The following LMOD1 variants were observed in gnomAD, a reference collection of about 807,000 sequenced individuals.
The protein encoded by LMOD1 is leiomodin-1.
Under a neutral mutation model 36.5 loss-of-function variants are expected in LMOD1, and 8 were observed. That is an observed-to-expected ratio of 0.22 (90% CI 0.13 to 0.40). LMOD1 has a LOEUF of 0.40. Ranked by LOEUF, LMOD1 falls within the 10% of genes least tolerant of loss-of-function variation. The pLI is 1.00. For synonymous variants in LMOD1, 284 were observed against 288.7 expected (o/e 0.98, Z 0.17); for missense variants, 630 against 751.1 (o/e 0.84, Z 1.88).
intron 1 of LMOD1, among the ~76,000 whole-genome samples, chr1:201,944,409 G>A (rs1445372006): frequency 3.9e-5 from 6 of 152,130 alleles, no homozygotes; most frequent in South Asian, 2.1e-4. Flanking sequence ...GGAAGCTACC[G>A]GACACAAGGC....
intron 1 of LMOD1, among the ~76,000 whole-genome samples, chr1:201,927,811 T>A (rs952489508): frequency 1.3e-5 from 2 of 152,180 alleles, no homozygotes; most frequent in Non-Finnish European, 2.9e-5. Flanking sequence ...GCATCCATTA[T>A]ATAGAGTTAA....
At chr1:201,901,330 C>T (rs1330697916) in intron 1 of LMOD1, among the ~76,000 whole-genome samples, 1 of 150,656 alleles carries the variant, frequency 6.6e-6, no homozygotes, top group African/African-American at 2.4e-5. Context: ...CATGGAGAAA[C>T]CTGTGTCTAC....
At position 201,898,343 on chromosome 1, in the gene LMOD1, A is replaced by G. The variant is rs763158794; in HGVS notation, c.*29T>C. On this transcript the variant is annotated 3_prime_UTR_variant, in exon 3 of 3. Transcript: ENST00000367288. Reference sequence around the variant, plus strand: ...GAGGTGAGGCCTGAGCAGTCATGGCATTGGCAGATGGTGCCTGGCAGCCTG... The same window carrying G: ...GAGGTGAGGCCTGAGCAGTCATGGCGTTGGCAGATGGTGCCTGGCAGCCTG... 33 of 1,610,430 alleles carry G rather than the reference A, an allele frequency of 2.0e-5. No individual in the cohort carries two copies. The highest frequency in any genetic ancestry group is 6.8e-6 in the Non-Finnish European group (8 of 1,178,478).
chr1:201,925,021 C>A (rs1218040046), intron 1 of LMOD1, among the ~76,000 whole-genome samples: 1 of 152,176 alleles, frequency 6.6e-6, no homozygotes, highest in Non-Finnish European at 1.5e-5. Flanking sequence ...TCAAGGCCAG[C>A]CATGGCCGAC....
Position 201,899,365 on chromosome 1 carries a change from G to A in LMOD1, c.1648C>T (p.Leu550=), listed in dbSNP as rs761819926. The change falls in exon 2 of 3, where the codon CTG becomes TTG. Residue 550 remains leucine, a synonymous_variant. Transcript: ENST00000367288. The surrounding 1 kb of genome is among the most constrained non-coding windows in gnomAD (Gnocchi z 6.3). ...PLAPPLIMEN[L]KNSLSPATQR... ...GTAGCTGGTGAGAGTGAATTCTTCA[G>A]GTTCTCCATGATAAGGGGTGGAGCC... 4 of 1,612,504 alleles carry A rather than the reference G, an allele frequency of 2.5e-6. No individual in the cohort carries two copies. In the African/African-American group the frequency reaches 5.3e-5, roughly 22 times the overall value.
chr1:201,943,766 A>G (rs1029201404), intron 1 of LMOD1, among the ~76,000 whole-genome samples: 2 of 152,158 alleles, frequency 1.3e-5, no homozygotes, highest in African/African-American at 4.8e-5. Context: ...TAAGTGCTCT[A>G]CCGCAGCACC....
At chr1:201,929,143 C>T (rs1681878041) in intron 1 of LMOD1, among the ~76,000 whole-genome samples, 1 of 151,768 alleles carries the variant, frequency 6.6e-6, no homozygotes, top group African/African-American at 2.4e-5. Context: ...GGCTCTGTTG[C>T]CCATGCTGGA....
intron 1 of LMOD1, among the ~76,000 whole-genome samples, chr1:201,906,686 C>T (rs565997701): frequency 6.6e-6 from 1 of 152,240 alleles, no homozygotes; most frequent in East Asian, 1.9e-4. Flanking sequence ...AGTGCCAAAT[C>T]TTTTATTGTT....
chr1:201,901,797 C>T (rs1681331242), intron 1 of LMOD1, among the ~76,000 whole-genome samples: 1 of 147,002 alleles, frequency 6.8e-6, no homozygotes, highest in South Asian at 2.1e-4. Context: ...TCACCTTAGT[C>T]CTGGCCCCTG....
chr1:201,901,231 G>A (rs1052133747), intron 1 of LMOD1, among the ~76,000 whole-genome samples: 27 of 151,884 alleles, frequency 1.8e-4, no homozygotes, highest in Non-Finnish European at 2.5e-4. Flanking sequence ...AAGTCCGGGC[G>A]CGGTGGCTCA....
chr1:201,907,804 C>T (rs951641544), intron 1 of LMOD1, among the ~76,000 whole-genome samples: 8 of 152,172 alleles, frequency 5.3e-5, no homozygotes, highest in African/African-American at 1.4e-4. Context: ...AATCCTGCTG[C>T]GGGCCTTGCT....
Position 201,900,892 on chromosome 1 carries a change from G to T in LMOD1, c.262-141C>A, listed in dbSNP as rs918730936. On this transcript the variant is annotated intron_variant, in intron 1 of 2. Transcript: ENST00000367288. ...GTTGTGCTGTTTGGGAGAGTGGGGT[G>T]GATGTCTCCATTGAGGGCAGCAAAA... The T allele has an allele frequency of 6.0e-5, 43 of 716,868 alleles. No individual in the cohort carries two copies. In the East Asian group the frequency reaches 1.1e-3, roughly 19 times the overall value. The allele number at this position is 716,868 out of a possible 1,614,324, so 44.4% of individuals were successfully genotyped here.
Position 201,900,502 on chromosome 1 carries a change from C to A in LMOD1, c.511G>T (p.Glu171Ter). The A allele has an allele frequency of 6.2e-7, 1 of 1,613,882 alleles. No individual in the cohort carries two copies. ...TCTCCTCTCCCATCCTTCCCTGCCT[C>A]CTTCTTATCCACTGCAGCCCTGACC... ...GRVRAAVDKK[E>*]AGKDGRGEER... Residue 171 changes from glutamate to a stop codon, truncating the protein, a stop_gained, in exon 2 of 3, where the codon GAG becomes TAG. Transcript: ENST00000367288. LOFTEE classifies it high-confidence loss of function.
intron 1 of LMOD1, among the ~76,000 whole-genome samples, chr1:201,910,744 C>CCTTTTT: frequency 2.0e-5 from 1 of 49,068 alleles, no homozygotes; most frequent in Admixed American, 3.5e-4. Context: ...TGGTGTCATT[C>CCTTTTT]TTTTTTTTTT....
rs1681632818 is a variant in LMOD1, at chr1:201,917,613, G to A, written c.262-16862C>T. The stretch of plus-strand genomic sequence containing the variant: ...AAGCTTGTAGCAAACCCCATTTTTG[G>A]AGAAACCGGGAAATCTCTTTGGGGA... On this transcript the variant is annotated intron_variant, in intron 1 of 2. Coordinates refer to ENST00000367288, the MANE Select transcript of LMOD1 (RefSeq NM_012134.3). Among the ~76,000 whole-genome samples the A allele has an allele frequency of 2.0e-5, 3 of 149,062 alleles. No individual in the cohort carries two copies. The South Asian group carries it at 6.4e-4, about 32-fold the overall frequency.
At chr1:201,920,056 T>C (rs1681677487) in intron 1 of LMOD1, among the ~76,000 whole-genome samples, 1 of 129,418 alleles carries the variant, frequency 7.7e-6, no homozygotes, top group Non-Finnish European at 1.6e-5. Context: ...TTTTTTTTTT[T>C]TTTTTTTTTT....
chr1:201,939,138 G>T (rs1041399078), intron 1 of LMOD1, among the ~76,000 whole-genome samples: 13 of 139,842 alleles, frequency 9.3e-5, no homozygotes, highest in Admixed American at 6.6e-4. Context: ...CTCACTGATG[G>T]TTTTTTTTTT....
intron 1 of LMOD1, among the ~76,000 whole-genome samples, chr1:201,902,822 C>T (rs1042519761): frequency 1.3e-5 from 2 of 152,088 alleles, no homozygotes; most frequent in African/African-American, 4.8e-5. Context: ...AAGGTTGCAC[C>T]GAGCCTGAGC....
At chr1:201,938,838 A>G (rs1347456404) in intron 1 of LMOD1, among the ~76,000 whole-genome samples, 1 of 152,192 alleles carries the variant, frequency 6.6e-6, no homozygotes, top group African/African-American at 2.4e-5. Flanking sequence ...GGCCCCAGGG[A>G]CAGCTGAAGC....
Sources: allele counts gnomAD v4.1 joint callset (sites outside exome capture counted in the v4.1 genomes callset), GRCh38; gene constraint gnomAD v4.1.1; non-coding constraint Gnocchi (gnomAD v3.1); transcripts MANE v1.5; gene names NCBI Gene and HGNC (gene_info 2026-07-23, HGNC 2026-07-21).